NBEA: variants seen among roughly 807,000 people sequenced by gnomAD.
NBEA encodes the protein lysosomal-trafficking regulator 2.
A neutral mutation model predicts 343.4 loss-of-function variants in NBEA; 44 were observed. That is an observed-to-expected ratio of 0.13 (90% CI 0.10 to 0.16). The LOEUF (loss-of-function observed/expected upper bound fraction) is 0.16, where lower values mean the gene tolerates loss of function less well. Ranked by LOEUF, NBEA falls within the 10% of genes least tolerant of loss-of-function variation. NBEA has a pLI of 1.00. For synonymous variants in NBEA, 1,175 were observed against 1,238.7 expected (o/e 0.95, Z 1.08); for missense variants, 2,555 against 3,631.3 (o/e 0.70, Z 7.62).
intron 49 of NBEA, among the ~76,000 whole-genome samples, chr13:35,630,607 G>C (rs1464666723): frequency 2.6e-5 from 4 of 152,156 alleles, no homozygotes; most frequent in Non-Finnish European, 5.9e-5. Context: ...GGTTTCATTA[G>C]AGAGACCCAG....
Position 35,567,005 on chromosome 13 carries a change from G to A in NBEA, c.7023G>A (p.Arg2341=), listed in dbSNP as rs377066679. The A allele has an allele frequency of 2.5e-6, 4 of 1,599,656 alleles. No individual in the cohort carries two copies. Among genetic ancestry groups the A allele is most frequent in the African/African-American group, 2.7e-5 (2 of 74,510 alleles). The part of the protein sequence containing the change: ...ELDLTLPGNF[R]DLSKPIGALN... ...ACCTGACTCTTCCAGGAAACTTCAGGGATCTATCAAAGGTAACTTTTAAAT... is the reference window on the plus strand; with the variant it reads ...ACCTGACTCTTCCAGGAAACTTCAGAGATCTATCAAAGGTAACTTTTAAAT... The change falls in exon 45 of 59, where the codon AGG becomes AGA. Residue 2341 remains arginine, a synonymous_variant. Coordinates refer to ENST00000379939, the MANE Select transcript of NBEA (RefSeq NM_001385012.1).
At chr13:35,225,101 A>G (rs2074578098) in intron 33 of NBEA, among the ~76,000 whole-genome samples, 1 of 152,120 alleles carries the variant, frequency 6.6e-6, no homozygotes, top group Non-Finnish European at 1.5e-5. Flanking sequence ...TCTCTACACT[A>G]TGTAGTCCCT....
At chr13:35,112,168 C>T (rs1360514756) in intron 13 of NBEA, among the ~76,000 whole-genome samples, 15 of 151,094 alleles carry the variant, frequency 9.9e-5, no homozygotes, top group Non-Finnish European at 2.1e-4. Context: ...ACACCTGACT[C>T]GGCCTCCCAT....
intron 10 of NBEA, among the ~76,000 whole-genome samples, chr13:35,086,315 C>T (rs1028213573): frequency 6.6e-6 from 1 of 151,980 alleles, no homozygotes; most frequent in African/African-American, 2.4e-5. Flanking sequence ...TCCTCTATTC[C>T]AGCTACTTTG....
chr13:35,001,703 G>T (rs988319399), intron 1 of NBEA, among the ~76,000 whole-genome samples: 3 of 152,062 alleles, frequency 2.0e-5, no homozygotes, highest in Non-Finnish European at 2.9e-5. Context: ...TTGGTAAAAG[G>T]CTATTGTAAT....
chr13:35,225,589 G>T (rs1417045714), intron 33 of NBEA, among the ~76,000 whole-genome samples: 1 of 152,168 alleles, frequency 6.6e-6, no homozygotes, highest in African/African-American at 2.4e-5. Context: ...GAATGGAAGA[G>T]GCTGGGCATC....
chr13:35,475,290 T>C, intron 41 of NBEA: 1 of 1,614,040 alleles, frequency 6.2e-7, no homozygotes, highest in Non-Finnish European at 8.5e-7. Context: ...GGGGATGCTT[T>C]TCACACTCGT....
At chr13:35,288,702 AT>A (rs2152816757) in intron 34 of NBEA, among the ~76,000 whole-genome samples, 1 of 151,998 alleles carries the variant, frequency 6.6e-6, no homozygotes, top group Non-Finnish European at 1.5e-5. Flanking sequence ...TTTTACTTCA[AT>A]TTATTATATA....
At chr13:35,372,462 G>C (rs61948714) in intron 38 of NBEA, among the ~76,000 whole-genome samples, 17,912 of 152,198 alleles carry the variant, frequency 0.12, 1,350 homozygotes, top group African/African-American at 0.22. Context: ...GCAGATCCAG[G>C]CCAGCAGGAC....
intron 18 of NBEA, among the ~76,000 whole-genome samples, chr13:35,153,774 C>T (rs73502420): frequency 0.044 from 6,678 of 152,188 alleles, 262 homozygotes; most frequent in African/African-American, 0.1. Context: ...TTAACTATCA[C>T]GGGAGAGTAG....
At position 35,218,492 on chromosome 13, in the gene NBEA, T is replaced by C. The variant is rs184542763; in HGVS notation, c.5648+7313T>C. ...CCATTAAAATCCTTGCACCTTTTAATTTCTTTTTCTGAACTTACAGTGCCA... is the reference window on the plus strand; with the variant it reads ...CCATTAAAATCCTTGCACCTTTTAACTTCTTTTTCTGAACTTACAGTGCCA... On this transcript the variant is annotated intron_variant, in intron 33 of 58. Coordinates refer to ENST00000379939, the MANE Select transcript of NBEA (RefSeq NM_001385012.1). Among the ~76,000 whole-genome samples the C allele has an allele frequency of 1.5e-3, 228 of 152,150 alleles. 1 individual carries two copies. The highest frequency in any genetic ancestry group is 5.3e-3 in the African/African-American group (222 of 41,544).
chr13:35,000,639 G>A (rs1415356208), intron 1 of NBEA, among the ~76,000 whole-genome samples: 1 of 150,864 alleles, frequency 6.6e-6, no homozygotes. Flanking sequence ...ACAAATGCAG[G>A]GATACTGATC....
intron 33 of NBEA, among the ~76,000 whole-genome samples, chr13:35,229,793 A>G (rs1008687645): frequency 6.6e-6 from 1 of 152,146 alleles, no homozygotes; most frequent in African/African-American, 2.4e-5. Context: ...ATTTTCTTTC[A>G]GAATTTAAAT....
At chr13:35,168,685 G>A (rs1370409456) in intron 24 of NBEA, among the ~76,000 whole-genome samples, 1 of 151,164 alleles carries the variant, frequency 6.6e-6, no homozygotes, top group Admixed American at 6.6e-5. Context: ...AAAGATACTT[G>A]TTTTGTAAAA....
chr13:35,354,443 T>C (rs2040380525), intron 38 of NBEA, among the ~76,000 whole-genome samples: 1 of 152,190 alleles, frequency 6.6e-6, no homozygotes, highest in African/African-American at 2.4e-5. Context: ...GACAGTGACC[T>C]CCATAGCAGC....
At chr13:35,147,528 T>G (rs1325208586) in intron 18 of NBEA, among the ~76,000 whole-genome samples, 1 of 151,614 alleles carries the variant, frequency 6.6e-6, no homozygotes, top group African/African-American at 2.4e-5. Flanking sequence ...GTAGGGAAGG[T>G]TATATAGGAT....
chr13:35,123,072 G>A (rs1191376764), intron 16 of NBEA, among the ~76,000 whole-genome samples: 8 of 152,118 alleles, frequency 5.3e-5, no homozygotes, highest in African/African-American at 1.4e-4. Context: ...TGGTCGAATC[G>A]TTTAAACTCA....
chr13:35,445,782 T>TTATATA (rs71081255), intron 39 of NBEA, among the ~76,000 whole-genome samples: 3,616 of 112,552 alleles, frequency 0.032, 121 homozygotes, highest in African/African-American at 0.06. Flanking sequence ...ATATAAATGT[T>TTATATA]TATATATATA....
chr13:35,375,031 T>A (rs550452181), intron 38 of NBEA, among the ~76,000 whole-genome samples: 181 of 152,262 alleles, frequency 1.2e-3, no homozygotes, highest in African/African-American at 3.7e-3. Context: ...AAGGCAGAAA[T>A]TCACCTTTGG....
Sources: allele counts gnomAD v4.1 joint callset (sites outside exome capture counted in the v4.1 genomes callset), GRCh38; gene constraint gnomAD v4.1.1; transcripts MANE v1.5; gene names NCBI Gene and HGNC (gene_info 2026-07-23, HGNC 2026-07-21).